NT5DC1: variants seen among roughly 807,000 people sequenced by gnomAD.
NT5DC1 encodes 5'-nucleotidase domain containing 1, also known as 5'-nucleotidase domain-containing protein 1.
In NT5DC1, 42 loss-of-function variants were observed where a neutral mutation model predicts 59.4. The observed-to-expected ratio is 0.71, with a 90% CI of 0.55 to 0.92. The LOEUF is 0.92. NT5DC1 is among the 40% of genes least tolerant of loss of function. The probability of loss-of-function intolerance (pLI) is 0.00; values close to 1 mark genes in which losing one functional copy is unlikely to be tolerated. For synonymous variants in NT5DC1, 172 were observed against 188.1 expected (o/e 0.91, Z 0.70); for missense variants, 501 against 537.1 (o/e 0.93, Z 0.66).
chr6:116,183,508 A>G (rs566625320), intron 6 of NT5DC1, among the ~76,000 whole-genome samples: 1 of 151,908 alleles, frequency 6.6e-6, no homozygotes, highest in South Asian at 2.1e-4. Flanking sequence ...GATTTTTATA[A>G]TATCCCATGT....
chr6:116,236,924 C>T (rs986902511), intron 8 of NT5DC1, 42 bp from the exon 9 acceptor site: 2 of 1,293,388 alleles, frequency 1.5e-6, no homozygotes, highest in Non-Finnish European at 2.2e-6. Flanking sequence ...TGGCTACTCT[C>T]ACTTGATTAA....
At chr6:116,112,774 A>G (rs994775617) in intron 4 of NT5DC1, among the ~76,000 whole-genome samples, 2 of 152,256 alleles carry the variant, frequency 1.3e-5, no homozygotes, top group Admixed American at 1.3e-4. Context: ...AAACTCCTAG[A>G]AGTATACTTG....
At chr6:116,228,007 G>A (rs113777559) in intron 8 of NT5DC1, among the ~76,000 whole-genome samples, 4 of 151,936 alleles carry the variant, frequency 2.6e-5, no homozygotes, top group African/African-American at 4.8e-5. Flanking sequence ...TGTGCATTTC[G>A]GGATATAGCC....
At chr6:116,181,287 AT>A (rs1780868072) in intron 6 of NT5DC1, among the ~76,000 whole-genome samples, 1 of 152,208 alleles carries the variant, frequency 6.6e-6, no homozygotes, top group Non-Finnish European at 1.5e-5. Flanking sequence ...ATACAATGTA[AT>A]ATAGATACAA....
At chr6:116,154,844 A>G (rs1026578716) in intron 6 of NT5DC1, among the ~76,000 whole-genome samples, 2 of 152,230 alleles carry the variant, frequency 1.3e-5, no homozygotes, top group Non-Finnish European at 2.9e-5. Context: ...TGACTTGCCT[A>G]TGATGCCTTG....
chr6:116,140,428 A>G (rs533212044), intron 6 of NT5DC1, among the ~76,000 whole-genome samples: 7 of 152,176 alleles, frequency 4.6e-5, no homozygotes, highest in African/African-American at 1.4e-4. Flanking sequence ...ATTTTTTTCA[A>G]TATTTAAAAT....
Position 116,115,771 on chromosome 6 carries a change from G to GT in NT5DC1, c.444+2dup. 2 of 1,508,016 alleles carry GT rather than the reference G, an allele frequency of 1.3e-6. No homozygotes were observed. 93.4% of individuals were successfully genotyped at this position (1,508,016 alleles called of 1,614,324 possible). A position where few individuals can be genotyped will look rare whatever the true frequency, so the allele number is the denominator to read the frequency against. On this transcript the variant is annotated splice_donor_variant, in intron 5 of 11. Transcript: ENST00000319550. LOFTEE classifies it high-confidence loss of function. ...CAGGGTGGTGGACTATTTAACAAAA[G>GT]TAAGTGGGGACTCATTTTTTAAAAC...
At chr6:116,182,347 G>A (rs1780902664) in intron 6 of NT5DC1, among the ~76,000 whole-genome samples, 1 of 152,004 alleles carries the variant, frequency 6.6e-6, no homozygotes, top group African/African-American at 2.4e-5. Context: ...TGCTATAAAT[G>A]TGTGTGTAAG....
At chr6:116,194,738 T>C (rs999896880) in intron 6 of NT5DC1, among the ~76,000 whole-genome samples, 3 of 151,942 alleles carry the variant, frequency 2.0e-5, no homozygotes, top group Non-Finnish European at 4.4e-5. Flanking sequence ...ATGTAAATTA[T>C]CAGAAGAGTT....
At chr6:116,194,877 T>C (rs749620493) in intron 6 of NT5DC1, among the ~76,000 whole-genome samples, 8 of 152,072 alleles carry the variant, frequency 5.3e-5, no homozygotes, top group Non-Finnish European at 1.2e-4. Flanking sequence ...TGGTTTACAT[T>C]ATTAGTTTGA....
chr6:116,227,471 A>G (rs1781932638), intron 8 of NT5DC1, among the ~76,000 whole-genome samples: 1 of 152,160 alleles, frequency 6.6e-6, no homozygotes, highest in Non-Finnish European at 1.5e-5. Context: ...TACATTTTGC[A>G]TATATACTCA....
At position 116,104,076 on chromosome 6, in the gene NT5DC1, T is replaced by C. The variant is rs183439194; in HGVS notation, c.94-2168T>C. Among the ~76,000 whole-genome samples, 389 of 152,276 alleles carry C rather than the reference T, an allele frequency of 2.6e-3. 10 individuals are homozygous for C. The South Asian group carries it at 0.044, about 17-fold the overall frequency. ...CTCCTGAGAGACTGTGAGGTGGTGATAGCTAAGGCTGGGGGAGGAATGTCA... is the reference window on the plus strand; with the variant it reads ...CTCCTGAGAGACTGTGAGGTGGTGACAGCTAAGGCTGGGGGAGGAATGTCA... On this transcript the variant is annotated intron_variant, in intron 1 of 11. Transcript: ENST00000319550.
At chr6:116,130,014 A>T (rs576742813) in intron 6 of NT5DC1, among the ~76,000 whole-genome samples, 2 of 152,214 alleles carry the variant, frequency 1.3e-5, no homozygotes, top group East Asian at 1.9e-4. Context: ...GAAGCCCTTA[A>T]TTGCTGGTGT....
At chr6:116,160,140 G>T (rs930781361) in intron 6 of NT5DC1, among the ~76,000 whole-genome samples, 5 of 151,988 alleles carry the variant, frequency 3.3e-5, no homozygotes, top group African/African-American at 1.2e-4. Flanking sequence ...TAGTGGTGGG[G>T]TTGCTGGATC....
intron 6 of NT5DC1, among the ~76,000 whole-genome samples, chr6:116,135,873 A>G (rs1056356425): frequency 6.6e-4 from 41 of 62,172 alleles, no homozygotes; most frequent in South Asian, 6.2e-3. Flanking sequence ...ATATATATAT[A>G]CACACATACA....
rs968484373 is a variant in NT5DC1, at chr6:116,246,722, G to A, written c.*2698G>A. 1 of 152,258 alleles carries A rather than the reference G, an allele frequency of 6.6e-6. No individual in the cohort carries two copies. The highest frequency in any genetic ancestry group is 1.9e-4 in the East Asian group (1 of 5,184). The allele number at this position is 152,258 out of a possible 1,614,324, so 9.4% of individuals were successfully genotyped here. A position where few individuals can be genotyped will look rare whatever the true frequency, so the allele number is the denominator to read the frequency against. On this transcript the variant is annotated 3_prime_UTR_variant, in exon 12 of 12. Coordinates refer to ENST00000319550, the MANE Select transcript of NT5DC1 (RefSeq NM_152729.3). ...TCATAAGAGTTAGTTCCAGATTGGTGCAAGACTGGAATACACTTGACTGCT... is the reference window on the plus strand; with the variant it reads ...TCATAAGAGTTAGTTCCAGATTGGTACAAGACTGGAATACACTTGACTGCT...
At chr6:116,210,885 A>G (rs1327669177) in intron 6 of NT5DC1, among the ~76,000 whole-genome samples, 1 of 151,982 alleles carries the variant, frequency 6.6e-6, no homozygotes, top group East Asian at 1.9e-4. Context: ...AATCACATAG[A>G]AGTATTAGTA....
At position 116,243,890 on chromosome 6, in the gene NT5DC1, A is replaced by G. The variant is rs375712155; in HGVS notation, c.1253-19A>G. On this transcript the variant is annotated intron_variant, in intron 11 of 11. Transcript: ENST00000319550. The stretch of plus-strand genomic sequence containing the variant: ...ATTCAGAGACCTGTGCAATAATTAA[A>G]TTTTTTTTTCCTCCCCAGAATTACC... 2.3e-4 allele frequency: 225 copies of G among 982,036 alleles called. No individual in the cohort carries two copies. Among genetic ancestry groups the G allele is most frequent in the Non-Finnish European group, 2.9e-4 (185 of 633,178 alleles). The allele number at this position is 982,036 out of a possible 1,614,324, so 60.8% of individuals were successfully genotyped here.
At chr6:116,232,525 GA>G (rs11334770) in intron 8 of NT5DC1, among the ~76,000 whole-genome samples, 64,317 of 151,418 alleles carry the variant, frequency 0.42, 17,601 homozygotes, top group African/African-American at 0.78. Flanking sequence ...TACTGATTCA[GA>G]AAAAAATCTC....
Sources: gnomAD v4.1 joint callset for allele counts (sites outside exome capture counted in the v4.1 genomes callset) on GRCh38, gnomAD v4.1.1 for gene constraint, MANE v1.5 for transcripts, NCBI Gene and HGNC (gene_info 2026-07-23, HGNC 2026-07-21) for gene names.